CCNT1: variants seen among roughly 807,000 people sequenced by gnomAD.
CCNT1 encodes the protein cyclin T1, also known as cyclin-T1.
A neutral mutation model predicts 67.3 loss-of-function variants in CCNT1; 18 were observed. The ratio of observed to expected loss-of-function variants is 0.27; its 90% CI spans 0.18 to 0.40. The LOEUF is 0.40. CCNT1 is among the 10% of genes least tolerant of loss of function. The probability of loss-of-function intolerance (pLI) is 1.00; values close to 1 mark genes in which losing one functional copy is unlikely to be tolerated. For missense variants in CCNT1, 744 were observed against 884.9 expected, an observed-to-expected ratio of 0.84 and a Z score of 2.02; for synonymous variants, 333 against 310.3, an observed-to-expected ratio of 1.07 and a Z score of -0.77.
At chr12:48,715,560 A>G (rs1366756683) in intron 1 of CCNT1, among the ~76,000 whole-genome samples, 3 of 151,942 alleles carry the variant, frequency 2.0e-5, no homozygotes, top group Non-Finnish European at 4.4e-5. Flanking sequence ...TCCCGGGTTC[A>G]AGCGATTTTC....
intron 2 of CCNT1, among the ~76,000 whole-genome samples, chr12:48,712,402 A>G (rs1292195339): frequency 6.6e-6 from 1 of 151,072 alleles, no homozygotes; most frequent in Non-Finnish European, 1.5e-5. Context: ...CAGCCTCCTG[A>G]GTAGCTGGGA....
At chr12:48,702,255 T>C (rs1045362859) in intron 3 of CCNT1, among the ~76,000 whole-genome samples, 24 of 152,250 alleles carry the variant, frequency 1.6e-4, no homozygotes, top group Non-Finnish European at 3.2e-4. Context: ...CCTACAGTAC[T>C]GTAAGCATTT....
Position 48,693,064 on chromosome 12 carries a change from G to C in CCNT1, c.2150C>G (p.Pro717Arg). The C allele has an allele frequency of 6.2e-7, 1 of 1,611,334 alleles. No homozygotes were observed. The highest frequency in any genetic ancestry group is 8.5e-7 in the Non-Finnish European group (1 of 1,177,826). The change falls in exon 9 of 9, where the codon CCT becomes CGT. Residue 717 changes from proline (P) to arginine (R), a missense_variant. Transcript: ENST00000261900. ...KPRPPPLPSE[P>R]PPPLPPLPK ...AGGAAGGGGTGGAAGTGGTGGAGGA[G>C]GTTCTGATGGCAGAGGTGGTGGCCG...
At chr12:48,699,286 AAAAGGCACTT>A (rs1203544423) in intron 5 of CCNT1, among the ~76,000 whole-genome samples, 2 of 152,238 alleles carry the variant, frequency 1.3e-5, no homozygotes, top group East Asian at 1.9e-4. Flanking sequence ...TAAAAATCAT[AAAAGGCACTT>A]AAAGGCACAA....
At chr12:48,697,534 A>AAATATATATAT (rs1288926072) in intron 6 of CCNT1, among the ~76,000 whole-genome samples, 3 of 130,692 alleles carry the variant, frequency 2.3e-5, no homozygotes, top group African/African-American at 9.1e-5. Context: ...AAAAAAAAAA[A>AAATATATATAT]ATATATATAT....
intron 3 of CCNT1, among the ~76,000 whole-genome samples, chr12:48,701,552 T>C (rs1940269722): frequency 6.6e-6 from 1 of 152,134 alleles, no homozygotes; most frequent in African/African-American, 2.4e-5. Context: ...ATTTAAGTTT[T>C]ATGGTTCATG....
intron 2 of CCNT1, among the ~76,000 whole-genome samples, chr12:48,706,097 C>A (rs1164372330): frequency 6.6e-6 from 1 of 151,754 alleles, no homozygotes; most frequent in Non-Finnish European, 1.5e-5. Context: ...AATACCAATT[C>A]TTTGACAAAC....
chr12:48,705,567 T>G, intron 3 of CCNT1: 1 of 558,810 alleles, frequency 1.8e-6, no homozygotes, highest in Non-Finnish European at 3.1e-6. Context: ...TGAGCCACCA[T>G]ACCTGGCCTG....
rs547304984 is a variant in CCNT1 at position 48,691,529 on chromosome 12, T to C, written c.*1504A>G. The C allele has an allele frequency of 1.2e-4, 19 of 152,348 alleles. No homozygotes were observed. Among genetic ancestry groups the C allele is most frequent in the Middle Eastern group, 6.8e-3 (2 of 294 alleles). 9.4% of individuals were successfully genotyped at this position (152,348 alleles called of 1,614,324 possible). ...TAGACAACTAACTTAGAATTCTTTC[T>C]AGCCAAGATTTTCTGAAAGATTTAT... On this transcript the variant is annotated 3_prime_UTR_variant, in exon 9 of 9. Coordinates refer to ENST00000261900, the MANE Select transcript of CCNT1 (RefSeq NM_001240.4).
At position 48,692,950 on chromosome 12, in the gene CCNT1, A is replaced by T; in HGVS notation, c.*83T>A. 1.2e-6 allele frequency: 1 copy of T among 848,518 alleles called. No individual in the cohort carries two copies. Among genetic ancestry groups the T allele is most frequent in the African/African-American group, 1.7e-5 (1 of 58,462 alleles). The allele number at this position is 848,518 out of a possible 1,614,324, so 52.6% of individuals were successfully genotyped here. ...TAGTCCAAGGATGACATATTTCATA[A>T]GTAATTTTCTTAGTCCAAAAAAAAA... is the stretch of plus-strand genomic sequence containing the variant. On this transcript the variant is annotated 3_prime_UTR_variant, in exon 9 of 9. Coordinates refer to ENST00000261900, the MANE Select transcript of CCNT1 (RefSeq NM_001240.4).
rs1565615189 is a variant in CCNT1, at chr12:48,693,586, C to T, written c.1628G>A (p.Gly543Asp). The change falls in exon 9 of 9, where the codon GGT (glycine) becomes GAT (aspartate). Residue 543 changes from glycine (G) to aspartate (D), a missense_variant. By Grantham distance (94) the Gly-to-Asp change is moderately conservative. Transcript: ENST00000261900. ...LPVGTGNKRP[G>D]DPKHSSQTSN... ...TGTCTGGCTACTATGTTTTGGATCACCAGGACGTTTGTTCCCAGTACCAAC... is the reference window on the plus strand; with the variant it reads ...TGTCTGGCTACTATGTTTTGGATCATCAGGACGTTTGTTCCCAGTACCAAC... The T allele has an allele frequency of 6.2e-7, 1 of 1,614,082 alleles. No homozygotes were observed. Among genetic ancestry groups the T allele is most frequent in the Non-Finnish European group, 8.5e-7 (1 of 1,180,022 alleles).
At chr12:48,715,055 G>T (rs1592128455) in intron 1 of CCNT1, among the ~76,000 whole-genome samples, 1 of 152,144 alleles carries the variant, frequency 6.6e-6, no homozygotes, top group East Asian at 1.9e-4. Flanking sequence ...TCAACTGATC[G>T]ACCTGCCTTG....
At position 48,693,853 on chromosome 12, in the gene CCNT1, T is replaced by C. The variant is rs1176401365; in HGVS notation, c.1361A>G (p.Lys454Arg). ...SENPERPFLE[K>R]ADKTALKMRI... ...CATTTTGAGAGCTGTTTTGTCAGCC[T>C]TTTCCAGAAAAGGCCGCTCGGGGTT... The change falls in exon 9 of 9, where the codon AAG (lysine) becomes AGG (arginine). Residue 454 changes from lysine (K) to arginine (R), a missense_variant. Lys to Arg is a conservative substitution (Grantham distance 26, BLOSUM62 2). Coordinates refer to ENST00000261900, the MANE Select transcript of CCNT1 (RefSeq NM_001240.4). 1 of 1,613,912 alleles carries C rather than the reference T, an allele frequency of 6.2e-7. No homozygotes were observed. Among genetic ancestry groups the C allele is most frequent in the African/African-American group, 1.3e-5 (1 of 74,926 alleles).
intron 1 of CCNT1, among the ~76,000 whole-genome samples, chr12:48,716,037 G>A (rs11831374): frequency 1.9e-3 from 296 of 152,346 alleles, no homozygotes; most frequent in Middle Eastern, 0.014. Context: ...GCTAGTAGAT[G>A]AGGAATGGAT....
chr12:48,696,592 A>G (rs766530280), intron 6 of CCNT1, among the ~76,000 whole-genome samples: 3 of 152,336 alleles, frequency 2.0e-5, no homozygotes, highest in Non-Finnish European at 2.9e-5. Flanking sequence ...TAATCCGTAA[A>G]TCAAAAACTT....
chr12:48,705,957 G>T, intron 2 of CCNT1, 61 bp from the exon 3 acceptor site: 2 of 1,480,368 alleles, frequency 1.4e-6, no homozygotes, highest in Non-Finnish European at 1.8e-6. Context: ...GAGTAAGGTA[G>T]ATCTAAAGAG....
intron 2 of CCNT1, among the ~76,000 whole-genome samples, chr12:48,710,045 C>T (rs7964068): frequency 6.6e-6 from 1 of 152,052 alleles, no homozygotes; most frequent in South Asian, 2.1e-4. Context: ...GTGCACGCCA[C>T]CATGCCCGGC....
chr12:48,699,969 T>C, intron 4 of CCNT1, 129 bp from the exon 5 acceptor site: 1 of 567,832 alleles, frequency 1.8e-6, no homozygotes, highest in Non-Finnish European at 3.1e-6. Flanking sequence ...AGAAATTTAT[T>C]CCACCAGAAA....
In CCNT1 at chr12:48,691,396, T is replaced by C. The variant is rs1381155390; in HGVS notation, c.*1637A>G. 6.6e-6 allele frequency: 1 copy of C among 152,134 alleles called. No individual in the cohort carries two copies. The highest frequency in any genetic ancestry group is 1.5e-5 in the Non-Finnish European group (1 of 68,026). 9.4% of individuals were successfully genotyped at this position (152,134 alleles called of 1,614,324 possible). A position where few individuals can be genotyped will look rare whatever the true frequency, so the allele number is the denominator to read the frequency against. On this transcript the variant is annotated 3_prime_UTR_variant, in exon 9 of 9. Coordinates refer to ENST00000261900, the MANE Select transcript of CCNT1 (RefSeq NM_001240.4). ...TGGCATGAAGTAAGCTGCAATCAAA[T>C]CATGAAAACAAACTCAAATTGAACC...
Sources: gnomAD v4.1 joint callset for allele counts (sites outside exome capture counted in the v4.1 genomes callset) on GRCh38, gnomAD v4.1.1 for gene constraint, MANE v1.5 for transcripts, NCBI Gene and HGNC (gene_info 2026-07-23, HGNC 2026-07-21) for gene names.